The following AKAP13 variants were observed in gnomAD, a reference collection of about 807,000 sequenced individuals.
The protein encoded by AKAP13 is A-kinase anchoring protein 13.
Under a neutral mutation model 264.5 loss-of-function variants are expected in AKAP13, and 80 were observed. That is an observed-to-expected ratio of 0.30 (90% CI 0.25 to 0.36). The LOEUF (loss-of-function observed/expected upper bound fraction) is 0.36, where lower values mean the gene tolerates loss of function less well. Among genes scored for constraint, AKAP13 ranks in the 10% least tolerant of loss-of-function variants. AKAP13 has a pLI of 1.00. For synonymous variants in AKAP13, 1,380 were observed against 1,250.2 expected, an observed-to-expected ratio of 1.10 and a Z score of -2.19; for missense variants, 3,712 against 3,435.2, an observed-to-expected ratio of 1.08 and a Z score of -2.01.
chr15:85,702,614 T>C (rs1324799809), intron 17 of AKAP13: 1 of 152,200 alleles, frequency 6.6e-6, no homozygotes, highest in African/African-American at 2.4e-5. Context: ...GGCTGACCCC[T>C]GGATAGAGCT....
At chr15:85,674,640 C>T (rs2084116914) in intron 14 of AKAP13, among the ~76,000 whole-genome samples, 1 of 152,104 alleles carries the variant, frequency 6.6e-6, no homozygotes, top group South Asian at 2.1e-4. Context: ...ACAGCTAAGG[C>T]CATCTTGAGA....
At chr15:85,415,736 C>G in intron 1 of AKAP13, 6 of 641,184 alleles carry the variant, frequency 9.4e-6, no homozygotes, top group African/African-American at 1.9e-5. Context: ...TTTTTCATTA[C>G]TGTGTTCAAT....
Position 85,581,631 on chromosome 15 carries a change from T to C in AKAP13, c.3563T>C (p.Leu1188Pro), listed in dbSNP as rs2079143556. 3.7e-6 allele frequency: 6 copies of C among 1,614,180 alleles called. No homozygotes were observed. The highest frequency in any genetic ancestry group is 5.1e-6 in the Non-Finnish European group (6 of 1,180,032). The change falls in exon 7 of 37, where the codon CTG (leucine) becomes CCG (proline). Residue 1188 changes from leucine (L) to proline (P), a missense_variant. Coordinates refer to ENST00000394518, the MANE Select transcript of AKAP13 (RefSeq NM_007200.5). ...GACGATGAAGCACATCCTGTCCTAC[T>C]GCAGCCTGTTGCCAAGGAGCTCCCC... ...QIDDEAHPVL[L>P]QPVAKELPTD...
chr15:85,742,604 C>G (rs12908773), intron 35 of AKAP13, among the ~76,000 whole-genome samples: 4 of 152,032 alleles, frequency 2.6e-5, no homozygotes, highest in African/African-American at 9.7e-5. Context: ...TGAAAAACCT[C>G]TCTTTCTCTA....
chr15:85,640,987 C>A (rs1214627105), intron 9 of AKAP13, among the ~76,000 whole-genome samples: 4 of 152,122 alleles, frequency 2.6e-5, no homozygotes, highest in Non-Finnish European at 5.9e-5. Context: ...TGTAAAATCT[C>A]GATTTAACAG....
intron 5 of AKAP13, among the ~76,000 whole-genome samples, chr15:85,571,606 C>T (rs1567131903): frequency 6.6e-6 from 1 of 152,368 alleles, no homozygotes; most frequent in Middle Eastern, 3.4e-3. Context: ...TTTAAAATTG[C>T]AACCTTCATT....
At chr15:85,528,455 A>T (rs1444370455) in intron 3 of AKAP13, among the ~76,000 whole-genome samples, 1 of 152,196 alleles carries the variant, frequency 6.6e-6, no homozygotes, top group Non-Finnish European at 1.5e-5. Flanking sequence ...GCATTTTAAT[A>T]GCTAATAATA....
intron 23 of AKAP13, among the ~76,000 whole-genome samples, chr15:85,721,444 A>G (rs1280442170): frequency 1.3e-5 from 2 of 152,256 alleles, no homozygotes; most frequent in Admixed American, 6.5e-5. Context: ...TCATTGATTT[A>G]GTGCAAAGTG....
At chr15:85,607,439 A>G (rs373097320) in intron 8 of AKAP13, among the ~76,000 whole-genome samples, 3 of 152,248 alleles carry the variant, frequency 2.0e-5, no homozygotes, top group East Asian at 1.9e-4. Context: ...TGTAACATAC[A>G]TTAATTCATT....
chr15:85,460,887 C>T (rs1309372348), intron 1 of AKAP13, among the ~76,000 whole-genome samples: 4 of 151,958 alleles, frequency 2.6e-5, no homozygotes, highest in African/African-American at 7.2e-5. Context: ...TCAGATGGCA[C>T]CTTGATTTTT....
intron 9 of AKAP13, among the ~76,000 whole-genome samples, chr15:85,641,293 A>G (rs967969141): frequency 6.6e-6 from 1 of 151,260 alleles, no homozygotes; most frequent in Non-Finnish European, 1.5e-5. Flanking sequence ...TAAAAATACA[A>G]AAATTAGCCG....
intron 1 of AKAP13, among the ~76,000 whole-genome samples, chr15:85,427,162 A>C (rs1011699657): frequency 6.6e-6 from 1 of 151,788 alleles, no homozygotes; most frequent in Non-Finnish European, 1.5e-5. Context: ...TCACCGTGTT[A>C]GCTAGGACGG....
intron 8 of AKAP13, among the ~76,000 whole-genome samples, chr15:85,601,650 T>G (rs867154132): frequency 7.9e-4 from 28 of 35,608 alleles, no homozygotes; most frequent in African/African-American, 2.2e-3. Context: ...GTGTGTGTGT[T>G]TTTCTTCCAG....
intron 5 of AKAP13, among the ~76,000 whole-genome samples, chr15:85,570,911 G>T (rs10520592): frequency 1.3e-5 from 2 of 151,936 alleles, no homozygotes; most frequent in Admixed American, 1.3e-4. Context: ...CGGTCTAGAA[G>T]AGGTATCCTG....
intron 1 of AKAP13, among the ~76,000 whole-genome samples, chr15:85,456,482 A>AT (rs1191712072): frequency 2.7e-5 from 4 of 149,014 alleles, no homozygotes; most frequent in Non-Finnish European, 4.5e-5. Context: ...ATTTAATTTT[A>AT]TTTTTTTACT....
intron 4 of AKAP13, among the ~76,000 whole-genome samples, chr15:85,540,529 GA>G (rs2077550120): frequency 6.6e-6 from 1 of 152,156 alleles, no homozygotes; most frequent in African/African-American, 2.4e-5. Flanking sequence ...GACACTGTAG[GA>G]AAGGCCATTA....
At chr15:85,533,466 G>T in intron 3 of AKAP13, 118 bp from the exon 4 acceptor site, 1 of 905,212 alleles carries the variant, frequency 1.1e-6, no homozygotes, top group Non-Finnish European at 1.6e-6. Flanking sequence ...GGAAGGAGGG[G>T]GTGTTTTTTA....
chr15:85,565,761 A>G (rs761832531), intron 5 of AKAP13, among the ~76,000 whole-genome samples: 2 of 152,236 alleles, frequency 1.3e-5, no homozygotes, highest in Non-Finnish European at 2.9e-5. Flanking sequence ...AGGAGAGTGG[A>G]CAGAGAGAGA....
intron 12 of AKAP13, among the ~76,000 whole-genome samples, chr15:85,663,663 G>A (rs568902192): frequency 1.3e-5 from 2 of 152,204 alleles, no homozygotes; most frequent in South Asian, 2.1e-4. Context: ...GCTATGTTTC[G>A]AGATCTTGGT....
Sources: gnomAD v4.1 joint callset for allele counts (sites outside exome capture counted in the v4.1 genomes callset) on GRCh38, gnomAD v4.1.1 for gene constraint, MANE v1.5 for transcripts, NCBI Gene and HGNC (gene_info 2026-07-23, HGNC 2026-07-21) for gene names.